SLC24A2: variants seen among roughly 807,000 people sequenced by gnomAD.
The protein encoded by SLC24A2 is solute carrier family 24 member 2, also known as sodium/potassium/calcium exchanger 2.
SLC24A2 carries 36 observed loss-of-function variants against 62.0 expected under a neutral mutation model. That is an observed-to-expected ratio of 0.58 (90% CI 0.44 to 0.77). The LOEUF (loss-of-function observed/expected upper bound fraction) is 0.77. Among genes scored for constraint, SLC24A2 ranks in the 30% least tolerant of loss-of-function variants. The pLI is 0.00. For missense variants in SLC24A2, 846 were observed against 817.9 expected (o/e 1.03, Z -0.42); for synonymous variants, 358 against 294.0 (o/e 1.22, Z -2.23).
chr9:20,189,071 T>C, the SLC24A2 span, among the ~76,000 whole-genome samples: 38 of 128,620 alleles, frequency 3.0e-4, no homozygotes, highest in African/African-American at 1.2e-3. Context: ...CTTTTCTTTT[T>C]TTTTCTTTTT....
chr9:19,823,266 A>C, the SLC24A2 span, among the ~76,000 whole-genome samples: 2 of 151,352 alleles, frequency 1.3e-5, no homozygotes, highest in African/African-American at 4.9e-5. Flanking sequence ...AGAATTTATG[A>C]ATACCCTCAC....
At chr9:20,028,207 T>C in the SLC24A2 span, among the ~76,000 whole-genome samples, 1 of 152,178 alleles carries the variant, frequency 6.6e-6, no homozygotes, top group Admixed American at 6.5e-5. Flanking sequence ...TAGAAGGCTT[T>C]GGGGTTTGAT....
At chr9:20,154,990 T>C in the SLC24A2 span, among the ~76,000 whole-genome samples, 2 of 151,604 alleles carry the variant, frequency 1.3e-5, no homozygotes, top group Non-Finnish European at 2.9e-5. Context: ...TTCCTGTAAG[T>C]TCCTTCAACA....
chr9:20,109,812 G>C, the SLC24A2 span, among the ~76,000 whole-genome samples: 60 of 152,068 alleles, frequency 3.9e-4, no homozygotes, highest in South Asian at 8.3e-4. Context: ...GCGTGGTCTA[G>C]AGGAACCCAA....
At chr9:20,180,229 A>C in the SLC24A2 span, among the ~76,000 whole-genome samples, 62 of 152,144 alleles carry the variant, frequency 4.1e-4, no homozygotes, top group Non-Finnish European at 7.2e-4. Flanking sequence ...TTGTAAATTG[A>C]GGGACAAATT....
At chr9:20,229,626 G>A in the SLC24A2 span, among the ~76,000 whole-genome samples, 134 of 149,018 alleles carry the variant, frequency 9.0e-4, 1 homozygote, top group African/African-American at 3.3e-3. Flanking sequence ...TCCCAGTCTC[G>A]GGTCCCTTAT....
At chr9:19,574,581 A>C (rs1034509285) in intron 6 of SLC24A2, among the ~76,000 whole-genome samples, 17 of 150,344 alleles carry the variant, frequency 1.1e-4, no homozygotes, top group African/African-American at 4.2e-4. Flanking sequence ...ATGATCAAAG[A>C]GTATTTCTGT....
chr9:20,254,345 C>A, the SLC24A2 span, among the ~76,000 whole-genome samples: 1 of 152,150 alleles, frequency 6.6e-6, no homozygotes, highest in Non-Finnish European at 1.5e-5. Flanking sequence ...ATTTAATGAG[C>A]ATTTGTTTAG....
the SLC24A2 span, among the ~76,000 whole-genome samples, chr9:20,108,109 C>A: frequency 6.6e-6 from 1 of 152,192 alleles, no homozygotes; most frequent in African/African-American, 2.4e-5. Context: ...TGCTCACCAT[C>A]GCTGGCCATC....
chr9:19,936,291 T>C, the SLC24A2 span, among the ~76,000 whole-genome samples: 2 of 152,210 alleles, frequency 1.3e-5, no homozygotes, highest in African/African-American at 4.8e-5. Context: ...TTATTATTAT[T>C]TGAGACACAG....
At chr9:19,584,464 C>T (rs1408725777) in intron 5 of SLC24A2, among the ~76,000 whole-genome samples, 2 of 151,980 alleles carry the variant, frequency 1.3e-5, no homozygotes, top group Non-Finnish European at 2.9e-5. Flanking sequence ...GGCCTTCTTA[C>T]GAGGGTATGG....
At chr9:20,149,292 C>G in the SLC24A2 span, among the ~76,000 whole-genome samples, 3 of 152,160 alleles carry the variant, frequency 2.0e-5, no homozygotes, top group East Asian at 1.9e-4. Flanking sequence ...ATCTATGGCT[C>G]AGGCACAACC....
chr9:20,091,819 C>T, the SLC24A2 span, among the ~76,000 whole-genome samples: 1 of 152,100 alleles, frequency 6.6e-6, no homozygotes, highest in African/African-American at 2.4e-5. Flanking sequence ...GCACAATAAC[C>T]AGCAAAGACA....
At chr9:19,656,925 G>A (rs1292932603) in intron 2 of SLC24A2, among the ~76,000 whole-genome samples, 1 of 152,100 alleles carries the variant, frequency 6.6e-6, no homozygotes, top group Non-Finnish European at 1.5e-5. Flanking sequence ...CCTCCTCAGG[G>A]ATTCACTAGG....
the SLC24A2 span, among the ~76,000 whole-genome samples, chr9:19,983,424 C>T: frequency 1.3e-5 from 2 of 152,264 alleles, no homozygotes; most frequent in Admixed American, 1.3e-4. Context: ...GTGGGCGGAT[C>T]ATGAGGTCAA....
the SLC24A2 span, among the ~76,000 whole-genome samples, chr9:19,881,461 G>A: frequency 6.6e-6 from 1 of 152,118 alleles, no homozygotes; most frequent in African/African-American, 2.4e-5. Flanking sequence ...TATTCTGATG[G>A]GAAAGTACGG....
chr9:19,988,669 G>A, the SLC24A2 span, among the ~76,000 whole-genome samples: 1 of 152,158 alleles, frequency 6.6e-6, no homozygotes, highest in African/African-American at 2.4e-5. Context: ...AAGCTTGAAG[G>A]GACAGGGAAT....
At chr9:19,518,418 T>G (rs1422105575) in intron 10 of SLC24A2, among the ~76,000 whole-genome samples, 2 of 151,452 alleles carry the variant, frequency 1.3e-5, no homozygotes, top group Non-Finnish European at 2.9e-5. Flanking sequence ...TCTTTTTCTT[T>G]TCTTTTCTTT....
chr9:20,121,197 G>A, the SLC24A2 span, among the ~76,000 whole-genome samples: 1,560 of 150,202 alleles, frequency 0.01, 15 homozygotes, highest in Non-Finnish European at 0.017. Flanking sequence ...TGCATTTATA[G>A]GTCAATTTGG....
Sources: gnomAD v4.1 joint callset for allele counts (sites outside exome capture counted in the v4.1 genomes callset) on GRCh38, gnomAD v4.1.1 for gene constraint, MANE v1.5 for transcripts, NCBI Gene and HGNC (gene_info 2026-07-23, HGNC 2026-07-21) for gene names.